Variants in SLC12A7 observed in about 807,000 individuals in gnomAD.
The protein encoded by SLC12A7 is K-Cl cotransporter 4.
Under a neutral mutation model 120.6 loss-of-function variants are expected in SLC12A7, and 100 were observed. The ratio of observed to expected loss-of-function variants is 0.83; its 90% CI spans 0.71 to 0.98. The LOEUF is 0.98. Among genes scored for constraint, SLC12A7 ranks in the 50% least tolerant of loss-of-function variants. The pLI is 0.00. For missense variants in SLC12A7, 1,373 were observed against 1,548.1 expected, an observed-to-expected ratio of 0.89 and a Z score of 1.90; for synonymous variants, 760 against 678.0, an observed-to-expected ratio of 1.12 and a Z score of -1.88.
rs778465115 is a variant in SLC12A7, at chr5:1,074,601, C to A, written c.2038G>T (p.Val680Leu). The part of the protein sequence containing the change: ...LNAARYALLR[V>L]EHGPPHTKNW... ...TTGGTGTGGGGGGGACCGTGCTCCA[C>A]GCGCAGCAGGGCGTAGCGGGCGGCG... Residue 680 changes from valine (V) to leucine (L), a missense_variant, in exon 16 of 24, where the codon GTG becomes TTG. Val to Leu is a conservative substitution (Grantham distance 32). Coordinates refer to ENST00000264930, the MANE Select transcript of SLC12A7 (RefSeq NM_006598.3). The A allele has an allele frequency of 6.2e-7, 1 of 1,612,772 alleles. No homozygotes were observed. Among genetic ancestry groups the A allele is most frequent in the African/African-American group, 1.3e-5 (1 of 75,054 alleles).
chr5:1,105,203 C>T lies in SLC12A7; in HGVS notation c.124+6665G>A, dbSNP rs183989867. On this transcript the variant is annotated intron_variant, in intron 1 of 23. Coordinates refer to ENST00000264930, the MANE Select transcript of SLC12A7 (RefSeq NM_006598.3). ...ATGAGGTCCTGCAGTCACCCACCAG[C>T]CAAAGGGGACCCTCCCCGCAGGGAT... is the stretch of plus-strand genomic sequence containing the variant. Among the ~76,000 whole-genome samples, 343 of 141,920 alleles carry T rather than the reference C, an allele frequency of 2.4e-3. 2 individuals are homozygous for T. In the East Asian group the frequency reaches 0.035, roughly 14 times the overall value. 93.1% of individuals were successfully genotyped at this position (141,920 alleles called of 152,430 possible). A position where few individuals can be genotyped will look rare whatever the true frequency, so the allele number is the denominator to read the frequency against.
chr5:1,134,300 T>C, the SLC12A7 span, among the ~76,000 whole-genome samples: 1 of 151,928 alleles, frequency 6.6e-6, no homozygotes, highest in African/African-American at 2.4e-5. Flanking sequence ...TGAAACCCCG[T>C]CTCTACTAAA....
At chr5:1,107,615 C>T (rs149767517) in intron 1 of SLC12A7, among the ~76,000 whole-genome samples, 1 of 152,260 alleles carries the variant, frequency 6.6e-6, no homozygotes, top group African/African-American at 2.4e-5. Flanking sequence ...TGCACCCAGG[C>T]CTGAGCACCT....
intron 1 of SLC12A7, among the ~76,000 whole-genome samples, chr5:1,100,295 G>A (rs966032331): frequency 2.0e-5 from 3 of 152,190 alleles, no homozygotes; most frequent in Admixed American, 1.3e-4. Flanking sequence ...CAGACACGCC[G>A]TCGGAATTAA....
chr5:1,136,382 A>G, the SLC12A7 span, among the ~76,000 whole-genome samples: 519 of 63,912 alleles, frequency 8.1e-3, no homozygotes, highest in Middle Eastern at 0.02. Context: ...GGACACGCAG[A>G]CACACGTGTG....
intron 1 of SLC12A7, among the ~76,000 whole-genome samples, chr5:1,109,815 G>T (rs536566894): frequency 6.6e-6 from 1 of 152,250 alleles, no homozygotes; most frequent in Non-Finnish European, 1.5e-5. Context: ...TCACCCAGGC[G>T]CCAGCCCAGA....
intron 1 of SLC12A7, among the ~76,000 whole-genome samples, chr5:1,095,031 G>GC (rs1740968682): frequency 6.7e-6 from 1 of 149,672 alleles, no homozygotes; most frequent in Non-Finnish European, 1.5e-5. Flanking sequence ...GCGGTAGGAG[G>GC]CGGGGGGCCG....
chr5:1,054,198 C>T (rs925401357), intron 22 of SLC12A7, among the ~76,000 whole-genome samples: 8 of 152,236 alleles, frequency 5.3e-5, no homozygotes, highest in Admixed American at 2.6e-4. Context: ...GCACTTCCAC[C>T]GTGTGGCCGT....
At chr5:1,151,712 G>GT in the SLC12A7 span, among the ~76,000 whole-genome samples, 9 of 151,370 alleles carry the variant, frequency 5.9e-5, no homozygotes, top group Admixed American at 5.9e-4. The surrounding 1 kb of genome is among the most constrained non-coding windows in gnomAD (Gnocchi z 6.2). Context: ...GAGGCGGGGG[G>GT]CAGGGGGTGG....
chr5:1,052,184 C>A lies in SLC12A7; in HGVS notation c.*176G>T. The stretch of plus-strand genomic sequence containing the variant: ...ATTTGCTGAGCCTGTTAAGGCTGAA[C>A]AGGAGAGCCCTAGGTGACGGGCCTA... On this transcript the variant is annotated 3_prime_UTR_variant, in exon 24 of 24. Transcript: ENST00000264930. The A allele has an allele frequency of 1.6e-6, 1 of 615,506 alleles. No individual in the cohort carries two copies. Among genetic ancestry groups the A allele is most frequent in the Non-Finnish European group, 2.9e-6 (1 of 343,482 alleles). The allele number at this position is 615,506 out of a possible 1,614,324, so 38.1% of individuals were successfully genotyped here.
At chr5:1,102,982 G>A (rs989207827) in intron 1 of SLC12A7, among the ~76,000 whole-genome samples, 4 of 152,164 alleles carry the variant, frequency 2.6e-5, no homozygotes, top group Admixed American at 6.5e-5. Context: ...TGAAGGTGCC[G>A]GGCACTGAAA....
intron 3 of SLC12A7, among the ~76,000 whole-genome samples, chr5:1,092,427 C>G (rs1416393245): frequency 1.3e-5 from 2 of 152,190 alleles, no homozygotes; most frequent in Non-Finnish European, 2.9e-5. Context: ...GACCTGGGGG[C>G]GCCTGGCTCA....
At chr5:1,073,313 C>A (rs1279383611) in intron 17 of SLC12A7, among the ~76,000 whole-genome samples, 1 of 152,136 alleles carries the variant, frequency 6.6e-6, no homozygotes, top group Non-Finnish European at 1.5e-5. Context: ...CCCCAGTGAG[C>A]CTGAACAGCG....
intron 17 of SLC12A7, among the ~76,000 whole-genome samples, chr5:1,073,336 T>C (rs1195762685): frequency 6.6e-6 from 1 of 152,216 alleles, no homozygotes; most frequent in African/African-American, 2.4e-5. Flanking sequence ...AGACTGAGCT[T>C]GCAGCAGAAC....
rs551806787 is a variant in SLC12A7, at chr5:1,100,951, G to A, written c.125-6703C>T. ...CATGAGCCTGCAGGGATGTGGCTCT[G>A]CATGGTGACCACCCACCAGGAGCCC... On this transcript the variant is annotated intron_variant, in intron 1 of 23. Transcript: ENST00000264930. Among the ~76,000 whole-genome samples the A allele has an allele frequency of 2.2e-3, 328 of 152,278 alleles. 1 individual carries two copies. The highest frequency in any genetic ancestry group is 5.1e-3 in the African/African-American group (212 of 41,548).
At chr5:1,079,844 G>A (rs1738807259) in intron 9 of SLC12A7, among the ~76,000 whole-genome samples, 1 of 152,108 alleles carries the variant, frequency 6.6e-6, no homozygotes, top group Admixed American at 6.5e-5. Context: ...ATGGCTCACA[G>A]GCCCCCAGGA....
At position 1,093,205 on chromosome 5, in the gene SLC12A7, G is replaced by A. The variant is rs1561091337; in HGVS notation, c.342+328C>T. Among the ~76,000 whole-genome samples the A allele has an allele frequency of 2.0e-5, 3 of 152,240 alleles. 1 individual carries two copies. In the South Asian group the frequency reaches 6.2e-4, roughly 32 times the overall value. ...GGAAGGGGCCACGTCCCGGCCTCTC[G>A]GCACCATTCAGACTCCTCTCCACAG... On this transcript the variant is annotated intron_variant, in intron 3 of 23. Transcript: ENST00000264930.
At chr5:1,056,852 C>T (rs982290694) in intron 22 of SLC12A7, among the ~76,000 whole-genome samples, 1 of 152,216 alleles carries the variant, frequency 6.6e-6, no homozygotes, top group African/African-American at 2.4e-5. Context: ...CCTGTACAGC[C>T]CTGGTGTTCG....
chr5:1,065,091 GAC>G (rs1166003532), intron 18 of SLC12A7, among the ~76,000 whole-genome samples, 190 bp downstream of exon 18: 1 of 143,300 alleles, frequency 7.0e-6, no homozygotes, highest in African/African-American at 2.6e-5. Context: ...ACACTGAGGA[GAC>G]ACACAGGGGA....
Sources: gnomAD v4.1 joint callset for allele counts (sites outside exome capture counted in the v4.1 genomes callset) on GRCh38, gnomAD v4.1.1 for gene constraint, Gnocchi (gnomAD v3.1) non-coding constraint, MANE v1.5 for transcripts, NCBI Gene and HGNC (gene_info 2026-07-23, HGNC 2026-07-21) for gene names.